CCM2: variants seen among roughly 807,000 people sequenced by gnomAD.
The protein encoded by CCM2 is cerebral cavernous malformations 2 protein.
A neutral mutation model predicts 44.9 loss-of-function variants in CCM2; 25 were observed. The observed-to-expected ratio is 0.56, with a 90% confidence interval of 0.41 to 0.78. The LOEUF (loss-of-function observed/expected upper bound fraction) is 0.78. Among genes scored for constraint, CCM2 ranks in the 30% least tolerant of loss-of-function variants. The pLI is 0.00. For missense variants in CCM2, 481 were observed against 580.6 expected, an observed-to-expected ratio of 0.83 and a Z score of 1.76; for synonymous variants, 219 against 241.1, an observed-to-expected ratio of 0.91 and a Z score of 0.85.
chr7:45,070,908 A>G (rs543197767), intron 6 of CCM2: 1 of 154,010 alleles, frequency 6.5e-6, no homozygotes, highest in African/African-American at 2.4e-5. Context: ...CGCACATCTC[A>G]GTGAAGAGAG....
At chr7:45,020,461 C>T (rs1796440982) in intron 1 of CCM2, among the ~76,000 whole-genome samples, 2 of 152,002 alleles carry the variant, frequency 1.3e-5, no homozygotes, top group African/African-American at 4.8e-5. Context: ...TATCTGTGGG[C>T]TACTGTATTT....
Position 45,076,379 on chromosome 7 carries a change from A to G in CCM2, c.*322A>G, listed in dbSNP as rs2128638417. The G allele has an allele frequency of 3.9e-6, 2 of 519,004 alleles. No homozygotes were observed. The highest frequency in any genetic ancestry group is 3.4e-5 in the South Asian group (2 of 58,646). 32.1% of individuals were successfully genotyped at this position (519,004 alleles called of 1,614,324 possible). A position where few individuals can be genotyped will look rare whatever the true frequency, so the allele number is the denominator to read the frequency against. On this transcript the variant is annotated 3_prime_UTR_variant, in exon 10 of 10. Coordinates refer to ENST00000258781, the MANE Select transcript of CCM2 (RefSeq NM_031443.4). ...TCGGCTGGGCCCTTGGACGGCTGTC[A>G]GTTTTGCACATGATGTTCCTATTGT... is the stretch of plus-strand genomic sequence containing the variant.
At chr7:45,020,398 T>G (rs963764814) in intron 1 of CCM2, among the ~76,000 whole-genome samples, 1 of 152,162 alleles carries the variant, frequency 6.6e-6, no homozygotes, top group African/African-American at 2.4e-5. Context: ...TTGGAGCTCT[T>G]TCATTATAGA....
intron 1 of CCM2, among the ~76,000 whole-genome samples, chr7:45,035,385 A>G (rs1424461962): frequency 6.6e-6 from 1 of 152,188 alleles, no homozygotes; most frequent in Admixed American, 6.5e-5. Context: ...GAGGACCTTT[A>G]GTCATCCTTA....
upstream of CCM2, chr7:44,999,970 C>T (rs915171981): frequency 2.6e-4 from 72 of 271,888 alleles, no homozygotes; most frequent in Non-Finnish European, 4.2e-4. Context: ...CTCGGCCGTC[C>T]TGAAGGGGCA....
chr7:45,068,720 C>T (rs925459410), intron 5 of CCM2, 141 bp downstream of exon 5: 28 of 1,098,706 alleles, frequency 2.5e-5, no homozygotes, highest in South Asian at 1.2e-4. Context: ...CCTGTCCCTG[C>T]CTCACCCTAG....
chr7:45,005,920 G>T (rs535048590), intron 1 of CCM2, among the ~76,000 whole-genome samples: 1 of 152,350 alleles, frequency 6.6e-6, no homozygotes, highest in South Asian at 2.1e-4. Context: ...GAAGTTGGGT[G>T]TTGGTTCTGT....
chr7:45,054,695 G>A (rs1256552639), intron 2 of CCM2, among the ~76,000 whole-genome samples: 1 of 152,202 alleles, frequency 6.6e-6, no homozygotes, highest in Non-Finnish European at 1.5e-5. Flanking sequence ...AACTGATGGA[G>A]CTGATGGCTG....
At chr7:45,012,534 T>C (rs4724343) in intron 1 of CCM2, among the ~76,000 whole-genome samples, 131,926 of 152,110 alleles carry the variant, frequency 0.87, 57,523 homozygotes, top group African/African-American at 0.96. Flanking sequence ...TTAATATAGC[T>C]ACACCACATT....
chr7:45,015,178 A>G (rs1796216138), intron 1 of CCM2, among the ~76,000 whole-genome samples: 1 of 152,210 alleles, frequency 6.6e-6, no homozygotes, highest in South Asian at 2.1e-4. Flanking sequence ...TATGTATTAA[A>G]CATTAGAGTT....
intron 1 of CCM2, among the ~76,000 whole-genome samples, chr7:45,016,967 C>T (rs995617773): frequency 2.6e-5 from 4 of 151,874 alleles, no homozygotes; most frequent in African/African-American, 4.8e-5. Context: ...GACAGGGTTT[C>T]ACCATGTTAG....
At chr7:45,052,709 A>G (rs1373395861) in intron 2 of CCM2, among the ~76,000 whole-genome samples, 1 of 152,214 alleles carries the variant, frequency 6.6e-6, no homozygotes, top group African/African-American at 2.4e-5. Context: ...GTCTACAGTC[A>G]TCTACCACAA....
intron 1 of CCM2, among the ~76,000 whole-genome samples, chr7:45,034,053 TG>T (rs1233910702): frequency 6.6e-6 from 1 of 152,144 alleles, no homozygotes; most frequent in Admixed American, 6.6e-5. Context: ...AAACTTGTCC[TG>T]GGGCTCAAAG....
At chr7:45,000,600 C>T (rs1040053245) in intron 1 of CCM2, among the ~76,000 whole-genome samples, 9 of 152,174 alleles carry the variant, frequency 5.9e-5, no homozygotes, top group South Asian at 2.1e-4. Flanking sequence ...CCGACCTCGG[C>T]CCCAGACGGC....
chr7:45,050,112 G>A (rs925784153), intron 2 of CCM2, among the ~76,000 whole-genome samples: 3 of 152,140 alleles, frequency 2.0e-5, no homozygotes, highest in Non-Finnish European at 4.4e-5. Flanking sequence ...GTAGCACAAC[G>A]CATCACCTTT....
At chr7:45,062,676 A>G (rs2128746523) in intron 2 of CCM2, among the ~76,000 whole-genome samples, 1 of 152,218 alleles carries the variant, frequency 6.6e-6, no homozygotes, top group East Asian at 1.9e-4. Flanking sequence ...CTCTACAAAA[A>G]TTAGCCAGGC....
chr7:45,068,601 TACTC>T (rs1406106506), intron 5 of CCM2, 22 bp downstream of exon 5: 1 of 1,613,244 alleles, frequency 6.2e-7, no homozygotes, highest in Non-Finnish European at 8.5e-7. Flanking sequence ...TCGCCCCACT[TACTC>T]AGAACTGGCT....
chr7:45,075,712 T>G, intron 9 of CCM2, 65 bp from the exon 10 acceptor site: 7 of 1,606,914 alleles, frequency 4.4e-6, no homozygotes, highest in Non-Finnish European at 6.0e-6. Flanking sequence ...CTTTGAGCCC[T>G]GAGAGAAGAG....
intron 2 of CCM2, among the ~76,000 whole-genome samples, chr7:45,050,521 T>A (rs1346091312): frequency 1.3e-5 from 2 of 152,222 alleles, no homozygotes; most frequent in African/African-American, 4.8e-5. Flanking sequence ...TTCTCCACCC[T>A]CTGAGGAACG....
Sources: allele counts gnomAD v4.1 joint callset (sites outside exome capture counted in the v4.1 genomes callset), GRCh38; gene constraint gnomAD v4.1.1; transcripts MANE v1.5; gene names NCBI Gene and HGNC (gene_info 2026-07-23, HGNC 2026-07-21).